GPHN: variants seen among roughly 807,000 people sequenced by gnomAD.
The protein encoded by GPHN is gephyrin.
In GPHN, 17 loss-of-function variants were observed where a neutral mutation model predicts 95.5. The observed-to-expected ratio is 0.18, with a 90% CI of 0.12 to 0.27. GPHN has a LOEUF of 0.27. Among genes scored for constraint, GPHN ranks in the 10% least tolerant of loss-of-function variants. The pLI, the probability that GPHN is intolerant of heterozygous loss-of-function variation, is 1.00. For missense variants in GPHN, 660 were observed against 978.1 expected (o/e 0.67, Z 4.34); for synonymous variants, 320 against 322.5 (o/e 0.99, Z 0.08).
the GPHN span, among the ~76,000 whole-genome samples, chr14:67,598,119 TTGAA>T: frequency 6.6e-6 from 1 of 152,346 alleles, no homozygotes; most frequent in Non-Finnish European, 1.5e-5. Context: ...AGCTGTATGT[TTGAA>T]TGAATTCCTT....
At chr14:67,217,645 A>G in the GPHN span, among the ~76,000 whole-genome samples, 2 of 152,162 alleles carry the variant, frequency 1.3e-5, no homozygotes, top group African/African-American at 4.8e-5. Context: ...ATTTCTATAT[A>G]TAAGTCCCTT....
intron 1 of GPHN, among the ~76,000 whole-genome samples, chr14:66,599,526 GCTT>G (rs1480666953): frequency 6.6e-6 from 1 of 150,690 alleles, no homozygotes; most frequent in African/African-American, 2.4e-5. Context: ...TAAGTTGTCT[GCTT>G]CTTATTTATT....
the GPHN span, among the ~76,000 whole-genome samples, chr14:67,594,608 G>A: frequency 6.6e-6 from 1 of 151,214 alleles, no homozygotes; most frequent in African/African-American, 2.4e-5. Context: ...AGCCGAGATC[G>A]CACCACTGCA....
chr14:66,791,595 T>C (rs1480149597), intron 3 of GPHN, among the ~76,000 whole-genome samples: 2 of 152,248 alleles, frequency 1.3e-5, no homozygotes, highest in Admixed American at 1.3e-4. Context: ...TTTCTGACAT[T>C]GCCATGGCAT....
chr14:66,945,342 C>T (rs1252517496), intron 8 of GPHN, among the ~76,000 whole-genome samples: 1 of 152,214 alleles, frequency 6.6e-6, no homozygotes, highest in African/African-American at 2.4e-5. Flanking sequence ...CCCATAGCTC[C>T]ACCCCATCCT....
the GPHN span, among the ~76,000 whole-genome samples, chr14:67,552,394 T>A: frequency 6.6e-6 from 1 of 152,204 alleles, no homozygotes; most frequent in Non-Finnish European, 1.5e-5. Flanking sequence ...TGTTCAGACA[T>A]TAGTTTTAGA....
At chr14:67,033,185 T>C (rs1276427068) in intron 10 of GPHN, among the ~76,000 whole-genome samples, 2 of 151,800 alleles carry the variant, frequency 1.3e-5, no homozygotes, top group African/African-American at 4.8e-5. Context: ...TCAGAAGAGA[T>C]CAACAGCAAA....
chr14:66,982,273 A>C (rs570198782), intron 9 of GPHN, among the ~76,000 whole-genome samples: 1 of 152,288 alleles, frequency 6.6e-6, no homozygotes, highest in South Asian at 2.1e-4. Context: ...ACTGAGCTAA[A>C]TCAAAGGGAA....
At chr14:66,538,210 G>A (rs1199748025) in intron 1 of GPHN, among the ~76,000 whole-genome samples, 1 of 151,796 alleles carries the variant, frequency 6.6e-6, no homozygotes, top group African/African-American at 2.4e-5. Context: ...AGGAGTGTGC[G>A]TTTTTTTGGC....
intron 1 of GPHN, among the ~76,000 whole-genome samples, chr14:66,523,282 G>GA (rs1262632808): frequency 6.6e-6 from 1 of 151,894 alleles, no homozygotes; most frequent in African/African-American, 2.4e-5. Context: ...ATAGACCTTA[G>GA]AAAAAATTAT....
the GPHN span, among the ~76,000 whole-genome samples, chr14:67,536,983 T>A: frequency 4.9e-4 from 67 of 136,120 alleles, no homozygotes; most frequent in Middle Eastern, 5.0e-3. Context: ...GAGGTTGCAG[T>A]GAGCCGAGAT....
chr14:66,976,079 CAT>C (rs1389718713), intron 9 of GPHN, among the ~76,000 whole-genome samples: 1 of 152,154 alleles, frequency 6.6e-6, no homozygotes, highest in Non-Finnish European at 1.5e-5. Context: ...GAATAATTTA[CAT>C]GTGTTTATCT....
At chr14:67,098,474 C>T (rs1296497468) in intron 12 of GPHN, among the ~76,000 whole-genome samples, 4 of 151,886 alleles carry the variant, frequency 2.6e-5, no homozygotes, top group Non-Finnish European at 5.9e-5. Flanking sequence ...GGTTTTTTTA[C>T]TCTAAAACAA....
the GPHN span, chr14:67,279,038 T>G: frequency 1.2e-6 from 1 of 816,192 alleles, no homozygotes; most frequent in Non-Finnish European, 1.8e-6. Context: ...TGGATACTTT[T>G]TCATAGCATT....
At chr14:66,817,205 T>G (rs1555413638) in intron 3 of GPHN, among the ~76,000 whole-genome samples, 2 of 152,070 alleles carry the variant, frequency 1.3e-5, no homozygotes, top group Non-Finnish European at 1.5e-5. Flanking sequence ...GTTTTTAAAA[T>G]AATATATATG....
At chr14:67,269,302 G>A in the GPHN span, among the ~76,000 whole-genome samples, 5 of 151,762 alleles carry the variant, frequency 3.3e-5, no homozygotes, top group Non-Finnish European at 7.4e-5. Context: ...TTGCTATTAC[G>A]AATACTGCTG....
intron 2 of GPHN, among the ~76,000 whole-genome samples, chr14:66,691,331 C>T (rs2067765425): frequency 6.6e-6 from 1 of 151,830 alleles, no homozygotes; most frequent in South Asian, 2.1e-4. Context: ...ATTACAGGCA[C>T]TCCCCACCAC....
intron 1 of GPHN, among the ~76,000 whole-genome samples, chr14:66,602,164 T>A (rs2062280406): frequency 6.6e-6 from 1 of 151,994 alleles, no homozygotes; most frequent in South Asian, 2.1e-4. Flanking sequence ...AAACCCTTTA[T>A]GACTAATAAT....
intron 1 of GPHN, 58 bp downstream of exon 1, chr14:66,508,649 C>T (rs750660037): frequency 1.4e-6 from 2 of 1,441,244 alleles, no homozygotes; most frequent in Non-Finnish European, 2.0e-6. Flanking sequence ...TTGCCTTAGG[C>T]TTTTCGCCTG....
Sources: allele counts gnomAD v4.1 joint callset (sites outside exome capture counted in the v4.1 genomes callset), GRCh38; gene constraint gnomAD v4.1.1; transcripts MANE v1.5; gene names NCBI Gene and HGNC (gene_info 2026-07-23, HGNC 2026-07-21).